MPPED2: variants seen among roughly 807,000 people sequenced by gnomAD.
The protein encoded by MPPED2 is metallophosphoesterase MPPED2.
MPPED2 carries 5 observed loss-of-function variants against 33.0 expected under a neutral mutation model. That is an observed-to-expected ratio of 0.15 (90% confidence interval 0.08 to 0.32). MPPED2 has a LOEUF of 0.32. Among genes scored for constraint, MPPED2 ranks in the 10% least tolerant of loss-of-function variants. The pLI, the probability that MPPED2 is intolerant of heterozygous loss-of-function variation, is 1.00. For synonymous variants in MPPED2, 136 were observed against 141.9 expected (o/e 0.96, Z 0.29); for missense variants, 275 against 372.1 (o/e 0.74, Z 2.15).
exon 7 of MPPED2, chr11:30,385,499 C>T (rs983696391): frequency 2.1e-4 from 32 of 152,160 alleles, no homozygotes; most frequent in African/African-American, 6.8e-4. Context: ...TTACTGAACA[C>T]AGTCGCCAGA....
At chr11:30,585,526 C>T (rs1179118355) in intron 1 of MPPED2, among the ~76,000 whole-genome samples, 1 of 152,100 alleles carries the variant, frequency 6.6e-6, no homozygotes, top group East Asian at 1.9e-4. Flanking sequence ...TAGGCCGGGG[C>T]GGCTCGAACA....
rs1277641477 is a variant in MPPED2 at position 30,417,521 on chromosome 11, G to A, written c.649C>T (p.Leu217=). The change falls in exon 5 of 7, where the codon CTA becomes TTA. Residue 217 remains leucine, a synonymous_variant. Transcript: ENST00000358117. The part of the protein sequence containing the change: ...IDILMTHGPP[L]GFRDWVPKEL... ...GGACAACCTTTGCTTCACTTACCTA[G>A]AGGAGGTCCATGTGTCATGAGTATG... 3 of 1,594,078 alleles carry A rather than the reference G, an allele frequency of 1.9e-6. No homozygotes were observed. The highest frequency in any genetic ancestry group is 2.6e-6 in the Non-Finnish European group (3 of 1,162,730).
intron 3 of MPPED2, 73 bp from the exon 4 acceptor site, chr11:30,495,594 G>T: frequency 8.9e-7 from 1 of 1,128,440 alleles, no homozygotes; most frequent in Non-Finnish European, 1.3e-6. Context: ...GAGACTGTGT[G>T]ATTAGCAGAC....
At chr11:30,515,133 C>T (rs548429889) in intron 3 of MPPED2, among the ~76,000 whole-genome samples, 193 of 152,244 alleles carry the variant, frequency 1.3e-3, no homozygotes, top group African/African-American at 4.4e-3. Context: ...GTTAACCTAC[C>T]TCATCTTTAC....
At chr11:30,473,893 A>G (rs1951061425) in intron 4 of MPPED2, among the ~76,000 whole-genome samples, 1 of 152,188 alleles carries the variant, frequency 6.6e-6, no homozygotes, top group South Asian at 2.1e-4. Flanking sequence ...ACTGATTCCT[A>G]TCAACAACCA....
intron 4 of MPPED2, among the ~76,000 whole-genome samples, chr11:30,466,166 GTAT>G (rs947635630): frequency 6.6e-6 from 1 of 152,120 alleles, no homozygotes; most frequent in African/African-American, 2.4e-5. Flanking sequence ...AAAATGAAAG[GTAT>G]TATTATTTGT....
intron 4 of MPPED2, among the ~76,000 whole-genome samples, chr11:30,477,920 G>A (rs1168014484): frequency 1.3e-5 from 2 of 152,056 alleles, no homozygotes; most frequent in African/African-American, 4.8e-5. Flanking sequence ...AGAATTTGGT[G>A]TTTCTCTTAT....
intron 4 of MPPED2, among the ~76,000 whole-genome samples, chr11:30,430,978 G>C (rs980964720): frequency 1.3e-5 from 2 of 152,182 alleles, no homozygotes; most frequent in African/African-American, 4.8e-5. Context: ...AGATGAAAGA[G>C]GATGAGGAGG....
intron 6 of MPPED2, among the ~76,000 whole-genome samples, chr11:30,403,751 C>A (rs1488421644): frequency 6.6e-6 from 1 of 152,166 alleles, no homozygotes; most frequent in African/African-American, 2.4e-5. Flanking sequence ...TTCGGCTTCT[C>A]TCAAGGAATT....
chr11:30,426,326 T>C (rs145011165), intron 4 of MPPED2, among the ~76,000 whole-genome samples: 2 of 152,362 alleles, frequency 1.3e-5, no homozygotes, highest in Non-Finnish European at 2.9e-5. Flanking sequence ...TACTGTAGCA[T>C]GTGTTAGAAA....
chr11:30,555,037 A>G (rs770006102), intron 2 of MPPED2, among the ~76,000 whole-genome samples: 8 of 152,220 alleles, frequency 5.3e-5, no homozygotes, highest in Non-Finnish European at 8.8e-5. Context: ...ATATGAAAGC[A>G]GAATTACCAT....
At chr11:30,496,879 AT>A (rs3837403) in intron 3 of MPPED2, among the ~76,000 whole-genome samples, 30,362 of 152,168 alleles carry the variant, frequency 0.2, 3,395 homozygotes, top group East Asian at 0.49. Context: ...CATGTTTTGT[AT>A]ATTACTGCCT....
intron 3 of MPPED2, among the ~76,000 whole-genome samples, chr11:30,498,178 C>T (rs1388951726): frequency 6.6e-6 from 1 of 151,928 alleles, no homozygotes; most frequent in Non-Finnish European, 1.5e-5. Context: ...AGGTGCCTGC[C>T]TTTTTCCATT....
Position 30,517,870 on chromosome 11 carries a change from C to T in MPPED2, c.310+18124G>A, listed in dbSNP as rs1035856384. On this transcript the variant is annotated intron_variant, in intron 3 of 6. Coordinates refer to ENST00000358117, the MANE Select transcript of MPPED2 (RefSeq NM_001584.3). ...ATAAACTATTTCTAAGAAATAAAACCCTTCTTAAAATTTAAGTTCCTCTCT... is the reference window on the plus strand; with the variant it reads ...ATAAACTATTTCTAAGAAATAAAACTCTTCTTAAAATTTAAGTTCCTCTCT... 2.0e-5 allele frequency among the ~76,000 whole-genome samples: 3 copies of T among 152,140 alleles called. No homozygotes were observed. In the South Asian group the frequency reaches 6.2e-4, roughly 32 times the overall value.
chr11:30,474,872 T>G (rs1052454896), intron 4 of MPPED2, among the ~76,000 whole-genome samples: 4 of 152,186 alleles, frequency 2.6e-5, no homozygotes, highest in African/African-American at 9.6e-5. Context: ...AAAAGTGTTT[T>G]AACTAATATG....
rs146669936 is a variant in MPPED2, at chr11:30,525,150, G to T, written c.310+10844C>A. The stretch of plus-strand genomic sequence containing the variant: ...GTTCTAGCTGCCTCATTTACAAAAT[G>T]GGGAAAAAATAATGACAATCAGAGA... On this transcript the variant is annotated intron_variant, in intron 3 of 6. Transcript: ENST00000358117. 3.6e-3 allele frequency among the ~76,000 whole-genome samples: 553 copies of T among 152,252 alleles called. 6 individuals carry two copies. Among genetic ancestry groups the T allele is most frequent in the African/African-American group, 0.012 (517 of 41,566 alleles).
Position 30,560,314 on chromosome 11 carries a change from A to T in MPPED2, c.128+19932T>A, listed in dbSNP as rs556400087. ...AGATGACTAACAAGTTTTTTTTTTA[A>T]AAAAAAAAAATATGTTAACCATTTT... On this transcript the variant is annotated intron_variant, in intron 2 of 6. Transcript: ENST00000358117. Among the ~76,000 whole-genome samples, 1,258 of 147,778 alleles carry T rather than the reference A, an allele frequency of 8.5e-3. 17 individuals are homozygous for T. The highest frequency in any genetic ancestry group is 0.031 in the African/African-American group (1,185 of 38,324).
chr11:30,493,947 G>C (rs150235505), intron 4 of MPPED2, among the ~76,000 whole-genome samples: 1 of 152,132 alleles, frequency 6.6e-6, no homozygotes, highest in Non-Finnish European at 1.5e-5. Context: ...AGATTGACAC[G>C]CTTCTTGTCT....
chr11:30,471,339 G>A (rs189901161), intron 4 of MPPED2, among the ~76,000 whole-genome samples: 24 of 152,254 alleles, frequency 1.6e-4, no homozygotes, highest in Non-Finnish European at 2.6e-4. Context: ...TAATTGTCCT[G>A]CTTAAAACCT....
Sources: allele counts gnomAD v4.1 joint callset (sites outside exome capture counted in the v4.1 genomes callset), GRCh38; gene constraint gnomAD v4.1.1; transcripts MANE v1.5; gene names NCBI Gene and HGNC (gene_info 2026-07-23, HGNC 2026-07-21).